The following DIAPH2 variants were observed in gnomAD, a reference collection of about 807,000 sequenced individuals.
The protein encoded by DIAPH2 is protein diaphanous homolog 2.
A neutral mutation model predicts 92.7 loss-of-function variants in DIAPH2; 35 were observed. The ratio of observed to expected loss-of-function variants is 0.38; its 90% CI spans 0.29 to 0.50. The LOEUF (loss-of-function observed/expected upper bound fraction) is 0.50. Among genes scored for constraint, DIAPH2 ranks in the 20% least tolerant of loss-of-function variants. The pLI is 0.94. For missense variants in DIAPH2, 701 were observed against 819.5 expected (o/e 0.86, Z 1.77); for synonymous variants, 301 against 280.4 (o/e 1.07, Z -0.73).
intron 1 of DIAPH2, among the ~76,000 whole-genome samples, chrX:96,709,445 T>A (rs1264147565): frequency 9.0e-6 from 1 of 111,701 alleles, no homozygotes; most frequent in Non-Finnish European, 1.9e-5. Flanking sequence ...AGGAAAAAAA[T>A]AACAAGTCCA....
At chrX:97,288,815 T>TG (rs1314350059) in intron 23 of DIAPH2, among the ~76,000 whole-genome samples, 3 of 110,583 alleles carry the variant, frequency 2.7e-5, no homozygotes. Flanking sequence ...CAATTAGAAC[T>TG]GGTTAAGCTC....
chrX:97,275,838 C>T (rs1470962741), intron 23 of DIAPH2, among the ~76,000 whole-genome samples: 6 of 111,944 alleles, frequency 5.4e-5, no homozygotes, highest in East Asian at 2.8e-4. Context: ...AGATGATGGG[C>T]GGCCAGGCAG....
intron 1 of DIAPH2, among the ~76,000 whole-genome samples, chrX:96,698,880 A>G (rs1602434800): frequency 1.9e-5 from 2 of 108,061 alleles, no homozygotes; most frequent in Non-Finnish European, 3.8e-5. Flanking sequence ...GGCATGTGCC[A>G]CCATGCCCCA....
chrX:97,529,099 G>A (rs2071043504), intron 26 of DIAPH2: 1 of 110,835 alleles, frequency 9.0e-6, no homozygotes, highest in African/African-American at 3.3e-5. Flanking sequence ...TTTTAGTTCT[G>A]TTGCACATTA....
intron 4 of DIAPH2, among the ~76,000 whole-genome samples, chrX:96,758,852 A>G (rs1481228883): frequency 9.0e-6 from 1 of 111,458 alleles, no homozygotes; most frequent in Non-Finnish European, 1.9e-5. Context: ...AGTTCATTGA[A>G]AGGACTTGTT....
intron 4 of DIAPH2, among the ~76,000 whole-genome samples, chrX:96,809,132 A>G (rs186624822): frequency 1.3e-3 from 143 of 111,385 alleles, no homozygotes; most frequent in Middle Eastern, 4.6e-3. Context: ...TTTAATATAA[A>G]CAAGATATCT....
rs919721868 is a variant in DIAPH2 at position 97,535,849 on chromosome X, T to C, written c.3242-63404T>C. Among the ~76,000 whole-genome samples the C allele has an allele frequency of 2.7e-5, 3 of 112,508 alleles. No homozygotes were observed. In the Admixed American group the frequency reaches 2.8e-4, roughly 11 times the overall value. ...AATAACAAAGTATACAAATATATAC[T>C]GATTATTGTTTCAAGTACTATATGT... is the stretch of plus-strand genomic sequence containing the variant. On this transcript the variant is annotated intron_variant, in intron 26 of 26. Transcript: ENST00000324765.
intron 4 of DIAPH2, among the ~76,000 whole-genome samples, chrX:96,815,545 G>T (rs1270503801): frequency 8.9e-6 from 1 of 112,443 alleles, no homozygotes; most frequent in Non-Finnish European, 1.9e-5. Context: ...CACTGCCCAA[G>T]CAGTCCCAAT....
intron 5 of DIAPH2, among the ~76,000 whole-genome samples, chrX:96,894,941 G>GA (rs923267085): frequency 4.7e-5 from 5 of 106,062 alleles, no homozygotes; most frequent in African/African-American, 1.7e-4. Flanking sequence ...TGGGGAGCAG[G>GA]AAAAAATCGC....
chrX:97,464,291 C>G (rs1313266073), intron 26 of DIAPH2, among the ~76,000 whole-genome samples: 2 of 52,493 alleles, frequency 3.8e-5, no homozygotes, highest in Non-Finnish European at 6.4e-5. Flanking sequence ...GAAACCCCAT[C>G]TCTACTAAAA....
At chrX:96,741,804 C>T (rs990492780) in intron 3 of DIAPH2, among the ~76,000 whole-genome samples, 1 of 111,759 alleles carries the variant, frequency 8.9e-6, no homozygotes, top group Non-Finnish European at 1.9e-5. Context: ...ATTGACCTAT[C>T]AGTAGCATTC....
chrX:96,692,224 A>AT (rs1291762736), intron 1 of DIAPH2, among the ~76,000 whole-genome samples: 1 of 111,857 alleles, frequency 8.9e-6, no homozygotes, highest in Admixed American at 9.5e-5. Context: ...ATTTTGCAAC[A>AT]TTTGCTTGAT....
chrX:97,583,776 G>A (rs1208789135), intron 26 of DIAPH2, among the ~76,000 whole-genome samples: 5 of 110,848 alleles, frequency 4.5e-5, no homozygotes, highest in Admixed American at 1.9e-4. Context: ...CCCCAGCCTC[G>A]CTGCCGCCTT....
intron 4 of DIAPH2, among the ~76,000 whole-genome samples, chrX:96,810,316 C>A (rs1202247348): frequency 8.9e-6 from 1 of 112,189 alleles, no homozygotes; most frequent in African/African-American, 3.2e-5. Flanking sequence ...TAAATGTCTT[C>A]TTTTGAGAAG....
intron 18 of DIAPH2, among the ~76,000 whole-genome samples, chrX:97,073,377 T>C (rs889435267): frequency 1.8e-5 from 2 of 111,847 alleles, no homozygotes; most frequent in African/African-American, 3.3e-5. Flanking sequence ...CTGGGATTGA[T>C]AGTTTTAGAG....
chrX:97,350,225 G>A (rs909323553), intron 24 of DIAPH2, among the ~76,000 whole-genome samples: 8 of 110,547 alleles, frequency 7.2e-5, no homozygotes, highest in African/African-American at 2.3e-4. Flanking sequence ...CAGGAGAATC[G>A]CTTGAATCTG....
At chrX:96,866,747 T>G (rs373881779) in intron 4 of DIAPH2, among the ~76,000 whole-genome samples, 1 of 112,153 alleles carries the variant, frequency 8.9e-6, no homozygotes, top group Non-Finnish European at 1.9e-5. Flanking sequence ...TATTACTTAT[T>G]GAAAATATTT....
chrX:96,877,626 G>A (rs1260606474), intron 4 of DIAPH2, among the ~76,000 whole-genome samples: 2 of 111,781 alleles, frequency 1.8e-5, no homozygotes, highest in Admixed American at 1.9e-4. Context: ...ATTAAAAAAT[G>A]ACAGACCATG....
intron 4 of DIAPH2, among the ~76,000 whole-genome samples, chrX:96,838,941 G>T (rs2064917064): frequency 9.0e-6 from 1 of 111,643 alleles, no homozygotes; most frequent in Non-Finnish European, 1.9e-5. Context: ...TCTCCTGCCA[G>T]AAAATTTGGC....
Sources: gnomAD v4.1 joint callset for allele counts (sites outside exome capture counted in the v4.1 genomes callset) on GRCh38, gnomAD v4.1.1 for gene constraint, MANE v1.5 for transcripts, NCBI Gene and HGNC (gene_info 2026-07-23, HGNC 2026-07-21) for gene names.